The following BCAN variants were observed in gnomAD, a reference collection of about 807,000 sequenced individuals.
BCAN encodes the protein brevican core protein.
A neutral mutation model predicts 92.4 loss-of-function variants in BCAN; 51 were observed. The observed-to-expected ratio is 0.55, with a 90% CI of 0.44 to 0.70. The LOEUF is 0.70. Among genes scored for constraint, BCAN ranks in the 30% least tolerant of loss-of-function variants. The pLI, the probability that BCAN is intolerant of heterozygous loss-of-function variation, is 0.00. For synonymous variants in BCAN, 501 were observed against 505.2 expected, an observed-to-expected ratio of 0.99 and a Z score of 0.11; for missense variants, 1,140 against 1,212.1, an observed-to-expected ratio of 0.94 and a Z score of 0.88.
rs1679386688 is a variant in BCAN, at chr1:156,657,773, C to G, written c.2292+16C>G. The G allele has an allele frequency of 6.2e-7, 1 of 1,601,570 alleles. No homozygotes were observed. The highest frequency in any genetic ancestry group is 8.5e-7 in the Non-Finnish European group (1 of 1,173,558). On this transcript the variant is annotated intron_variant, in intron 11 of 13. Transcript: ENST00000329117. ...CGTCCCCCTGGTGAGAGGCCCCAGT[C>G]GAACCCCGCCGTCTAGCTCACTTCC... is the stretch of plus-strand genomic sequence containing the variant.
intron 1 of BCAN, 63 bp from the exon 2 acceptor site, chr1:156,645,984 G>T: frequency 7.0e-7 from 1 of 1,420,358 alleles, no homozygotes; most frequent in South Asian, 1.3e-5. Context: ...GTGTGGTAGG[G>T]AGCAGGGGGG....
rs539632414 is a variant in BCAN, at chr1:156,658,732, C to G, written c.2627C>G (p.Pro876Arg). The G allele has an allele frequency of 4.4e-5, 71 of 1,613,932 alleles. No individual in the cohort carries two copies. The South Asian group carries it at 5.7e-4, about 13-fold the overall frequency. The change falls in exon 13 of 14, where the codon CCT (proline) becomes CGT (arginine). Residue 876 changes from proline to arginine, a missense_variant and splice_region_variant. By Grantham distance (103) the Pro-to-Arg change is moderately radical. Around this residue, in one of 3 missense-constraint regions of BCAN, gnomAD observed 825 missense variants for 871.8 expected, o/e 0.95. Transcript: ENST00000329117. This position sits in a 1 kb window ranked among gnomAD's most constrained non-coding sequence, Gnocchi z 4.4. ...CAGATCTCCTGTGTGCCCAGAAGAC[C>G]TGTGAGTGCCAGGAAGAGGCAGGTG... Reference protein sequence around the residue: ...APQISCVPRRPARALHPEEDP... With the variant: ...APQISCVPRRRARALHPEEDP...
chr1:156,659,356 C>A lies in BCAN; in HGVS notation c.*222C>A. 5 of 535,748 alleles carry A rather than the reference C, an allele frequency of 9.3e-6. No homozygotes were observed. Among genetic ancestry groups the A allele is most frequent in the Non-Finnish European group, 1.6e-5 (5 of 306,540 alleles). The allele number at this position is 535,748 out of a possible 1,614,324, so 33.2% of individuals were successfully genotyped here. A position where few individuals can be genotyped will look rare whatever the true frequency, so the allele number is the denominator to read the frequency against. On this transcript the variant is annotated 3_prime_UTR_variant, in exon 14 of 14. Transcript: ENST00000329117. The stretch of plus-strand genomic sequence containing the variant: ...TGGGCACCAGATCTTCCATCAGGGC[C>A]GGAGTAAATCCCTAAGTGCCTCAAC...
intron 8 of BCAN, among the ~76,000 whole-genome samples, chr1:156,656,065 C>T (rs1235010047): frequency 6.6e-6 from 1 of 152,182 alleles, no homozygotes; most frequent in African/African-American, 2.4e-5. Context: ...AAGGCTGAGC[C>T]AATGCTGAAG....
At chr1:156,657,841 C>G in intron 11 of BCAN, 84 bp downstream of exon 11, 1 of 1,192,684 alleles carries the variant, frequency 8.4e-7, no homozygotes, top group Non-Finnish European at 1.2e-6. Flanking sequence ...CCTCCCGACC[C>G]TGTCCCCTTC....
chr1:156,656,897 G>A, intron 9 of BCAN, 41 bp from the exon 10 acceptor site: 3 of 1,600,018 alleles, frequency 1.9e-6, no homozygotes, highest in Non-Finnish European at 2.6e-6. Context: ...CTGGCCCTCT[G>A]GGTTTTGGGG....
At chr1:156,649,477 A>G (rs1437796889) in intron 6 of BCAN, among the ~76,000 whole-genome samples, 2 of 152,126 alleles carry the variant, frequency 1.3e-5, no homozygotes, top group Non-Finnish European at 2.9e-5. Context: ...ATCATGGTTC[A>G]TTGTAGCCTC....
chr1:156,651,124 ACT>A (rs1426006528), intron 6 of BCAN, among the ~76,000 whole-genome samples: 1 of 151,998 alleles, frequency 6.6e-6, no homozygotes, highest in Non-Finnish European at 1.5e-5. Context: ...CCATCTTCTA[ACT>A]CTGCTCAAGT....
chr1:156,648,891 C>A (rs760255058), intron 6 of BCAN, 30 bp downstream of exon 6: 16 of 1,528,788 alleles, frequency 1.0e-5, no homozygotes, highest in African/African-American at 2.7e-5. Flanking sequence ...GAAGCTGAGA[C>A]CAATCTCAGA....
intron 1 of BCAN, among the ~76,000 whole-genome samples, 182 bp from the exon 2 acceptor site, chr1:156,645,865 G>T (rs1678945127): frequency 6.6e-6 from 1 of 152,192 alleles, no homozygotes; most frequent in South Asian, 2.1e-4. Flanking sequence ...TCGGGTTTTG[G>T]TTCTGAGAAG....
In BCAN at chr1:156,658,120, C is replaced by G; in HGVS notation, c.2293-7C>G. 1 of 1,612,834 alleles carries G rather than the reference C, an allele frequency of 6.2e-7. No individual in the cohort carries two copies. The highest frequency in any genetic ancestry group is 8.5e-7 in the Non-Finnish European group (1 of 1,179,246). ...GGAGCTCCTCACCACCTCCTCCGTT[C>G]CCCCAGCTCTATGAGAACTGGAACC... On this transcript the variant is annotated splice_polypyrimidine_tract_variant and splice_region_variant and intron_variant, in intron 11 of 13. Transcript: ENST00000329117. This position sits in a 1 kb window ranked among gnomAD's most constrained non-coding sequence, Gnocchi z 4.4.
At chr1:156,657,993 G>C (rs562234363) in intron 11 of BCAN, 134 bp from the exon 12 acceptor site, 1 of 1,081,306 alleles carries the variant, frequency 9.2e-7, no homozygotes, top group Admixed American at 2.7e-5. Context: ...CCTTCCCCGG[G>C]AGATCCCCTA....
At chr1:156,645,611 T>G (rs531459195) in intron 1 of BCAN, among the ~76,000 whole-genome samples, 13 of 152,212 alleles carry the variant, frequency 8.5e-5, no homozygotes, top group African/African-American at 2.6e-4. Context: ...AGTCTGGCAC[T>G]GGGAGGAGCA....
intron 2 of BCAN, 105 bp from the exon 3 acceptor site, chr1:156,646,696 A>T: frequency 6.8e-7 from 1 of 1,472,822 alleles, no homozygotes. Context: ...GGGCCGGGGA[A>T]TCCTGGGGCC....
At position 156,647,693 on chromosome 1, in the gene BCAN, G is replaced by T. The variant is rs1679030392; in HGVS notation, c.641+11G>T. 6.4e-7 allele frequency: 1 copy of T among 1,574,514 alleles called. No homozygotes were observed. Among genetic ancestry groups the T allele is most frequent in the South Asian group, 1.2e-5 (1 of 85,332 alleles). On this transcript the variant is annotated intron_variant, in intron 4 of 13. Transcript: ENST00000329117. This position sits in a 1 kb window ranked among gnomAD's most constrained non-coding sequence, Gnocchi z 4.8. ...GGATCAGACCGTGAGGTGGGCAGGG[G>T]CTGTGGATTGGGGCTTCTATTGGCC...
chr1:156,653,983 T>C (rs1455126978), intron 8 of BCAN, among the ~76,000 whole-genome samples: 3 of 152,094 alleles, frequency 2.0e-5, no homozygotes, highest in Admixed American at 6.5e-5. Context: ...GCCCTGCATC[T>C]CAGCAGGGGG....
chr1:156,656,482 C>A, intron 9 of BCAN, 93 bp downstream of exon 9: 1 of 1,046,510 alleles, frequency 9.6e-7, no homozygotes, highest in Non-Finnish European at 1.3e-6. Context: ...TGGTTTTGGC[C>A]TTGTCATTAA....
rs1371748957 is a variant in BCAN, at chr1:156,659,483, G to T, written c.*349G>T. 5 of 271,102 alleles carry T rather than the reference G, an allele frequency of 1.8e-5. No individual in the cohort carries two copies. Among genetic ancestry groups the T allele is most frequent in the Non-Finnish European group, 3.4e-5 (5 of 146,024 alleles). 16.8% of individuals were successfully genotyped at this position (271,102 alleles called of 1,614,324 possible). On this transcript the variant is annotated 3_prime_UTR_variant, in exon 14 of 14. Coordinates refer to ENST00000329117, the MANE Select transcript of BCAN (RefSeq NM_021948.5). ...AGGGAATGGGCTTGCAGGATGGAGT[G>T]TCTGTAAAATCAACAGGAAATAAAA...
At position 156,647,016 on chromosome 1, in the gene BCAN, G is replaced by A. The variant is rs765228105; in HGVS notation, c.307G>A (p.Ala103Thr). 6.2e-7 allele frequency: 1 copy of A among 1,612,972 alleles called. No individual in the cohort carries two copies. Among genetic ancestry groups the A allele is most frequent in the Non-Finnish European group, 8.5e-7 (1 of 1,179,510 alleles). The change falls in exon 3 of 14, where the codon GCC becomes ACC. Residue 103 changes from alanine to threonine, a missense_variant. Transcript: ENST00000329117. The surrounding 1 kb of genome is among the most constrained non-coding windows in gnomAD (Gnocchi z 4.8). ...GGGAGTGCGCGTCAAGGTGAACGAG[G>A]CCTACCGGTTCCGCGTGGCACTGCC... ...ARGVRVKVNE[A>T]YRFRVALPAY... is the part of the protein sequence containing the mutation.
Sources: allele counts gnomAD v4.1 joint callset (sites outside exome capture counted in the v4.1 genomes callset), GRCh38; gene constraint gnomAD v4.1.1; regional missense constraint gnomAD v4.1.1; non-coding constraint Gnocchi (gnomAD v3.1); transcripts MANE v1.5; gene names NCBI Gene and HGNC (gene_info 2026-07-23, HGNC 2026-07-21).